NALF1: variants seen among roughly 807,000 people sequenced by gnomAD.
The protein encoded by NALF1 is NALCN channel auxiliary factor 1, also known as family with sequence similarity 155 member A.
In NALF1, 3 loss-of-function variants were observed where a neutral mutation model predicts 48.4. That is an observed-to-expected ratio of 0.06 (90% CI 0.03 to 0.16). The LOEUF is 0.16. Ranked by LOEUF, NALF1 falls within the 10% of genes least tolerant of loss-of-function variation. The pLI is 1.00. For synonymous variants in NALF1, 262 were observed against 245.7 expected (o/e 1.07, Z -0.62); for missense variants, 526 against 571.5 (o/e 0.92, Z 0.81).
At chr13:107,784,450 C>T (rs980855224) in intron 1 of NALF1, among the ~76,000 whole-genome samples, 4 of 152,164 alleles carry the variant, frequency 2.6e-5, no homozygotes, top group Admixed American at 6.5e-5. Context: ...GAAAGCTCCT[C>T]GGATTATCTT....
At chr13:107,389,562 A>C (rs967542843) in intron 1 of NALF1, among the ~76,000 whole-genome samples, 13 of 151,918 alleles carry the variant, frequency 8.6e-5, no homozygotes, top group Admixed American at 2.0e-4. Context: ...TGAGACAATC[A>C]TTTTCTGTTG....
At chr13:107,267,604 A>C (rs994068320) in intron 1 of NALF1, among the ~76,000 whole-genome samples, 1 of 152,232 alleles carries the variant, frequency 6.6e-6, no homozygotes, top group Non-Finnish European at 1.5e-5. Flanking sequence ...TGGATGCCTG[A>C]AACCACAGAT....
intron 1 of NALF1, among the ~76,000 whole-genome samples, chr13:107,496,969 C>A (rs894005355): frequency 6.6e-6 from 1 of 152,266 alleles, no homozygotes; most frequent in African/African-American, 2.4e-5. Context: ...TGGGTGGGGA[C>A]ACAGAGCCAA....
chr13:107,315,644 G>A (rs554177277), intron 1 of NALF1, among the ~76,000 whole-genome samples: 2 of 151,920 alleles, frequency 1.3e-5, no homozygotes, highest in African/African-American at 4.8e-5. Context: ...ACATTGAAAC[G>A]TAATCCTTTC....
intron 1 of NALF1, among the ~76,000 whole-genome samples, chr13:107,626,357 G>C (rs964868948): frequency 6.6e-6 from 1 of 152,134 alleles, no homozygotes; most frequent in Admixed American, 6.6e-5. Context: ...CAGTATGAAA[G>C]TTCCTCAAAA....
At chr13:107,785,524 C>T (rs1009395842) in intron 1 of NALF1, among the ~76,000 whole-genome samples, 2 of 152,112 alleles carry the variant, frequency 1.3e-5, no homozygotes, top group Non-Finnish European at 2.9e-5. Flanking sequence ...AAGAATGATA[C>T]AATGGACTTT....
intron 1 of NALF1, among the ~76,000 whole-genome samples, chr13:107,454,684 G>C (rs1223174542): frequency 1.3e-5 from 2 of 152,098 alleles, no homozygotes; most frequent in African/African-American, 4.8e-5. Context: ...CAAATTGAGA[G>C]GTTTTCACAC....
intron 1 of NALF1, among the ~76,000 whole-genome samples, chr13:107,299,883 C>A (rs1352859810): frequency 6.6e-6 from 1 of 152,110 alleles, no homozygotes; most frequent in Non-Finnish European, 1.5e-5. Flanking sequence ...TGTTTGAACA[C>A]CTCATTTTCT....
intron 1 of NALF1, among the ~76,000 whole-genome samples, chr13:107,510,997 C>T (rs1454511992): frequency 6.6e-6 from 1 of 152,170 alleles, no homozygotes; most frequent in Non-Finnish European, 1.5e-5. Flanking sequence ...CAAAGCAAGG[C>T]TCCACTCTTA....
At chr13:107,198,468 G>A (rs12874556) in intron 2 of NALF1, among the ~76,000 whole-genome samples, 20,577 of 152,234 alleles carry the variant, frequency 0.14, 1,453 homozygotes, top group East Asian at 0.28. Flanking sequence ...CCTGCTGGCT[G>A]AGCTCCCTCG....
chr13:107,488,850 G>A (rs1885371137), intron 1 of NALF1, among the ~76,000 whole-genome samples: 1 of 152,110 alleles, frequency 6.6e-6, no homozygotes, highest in African/African-American at 2.4e-5. Context: ...GTTTGCAGAT[G>A]ACAAAATTCT....
intron 1 of NALF1, among the ~76,000 whole-genome samples, chr13:107,860,013 AAAATTT>A (rs1389781948): frequency 6.6e-6 from 1 of 152,174 alleles, no homozygotes; most frequent in African/African-American, 2.4e-5. Context: ...CTTATTAGAT[AAAATTT>A]AAATTTAACT....
chr13:107,820,473 T>G (rs1041571871), intron 1 of NALF1, among the ~76,000 whole-genome samples: 1 of 152,202 alleles, frequency 6.6e-6, no homozygotes, highest in Non-Finnish European at 1.5e-5. Flanking sequence ...AGACTGAAAT[T>G]GCCCTCAGCC....
At chr13:107,469,733 CTTTTTTTTTTTTT>C (rs61241553) in intron 1 of NALF1, among the ~76,000 whole-genome samples, 2 of 79,956 alleles carry the variant, frequency 2.5e-5, no homozygotes, top group African/African-American at 5.3e-5. Context: ...AACTGTGTAT[CTTTTTTTTTTTTT>C]TTTTTTTTTT....
chr13:107,818,600 C>T (rs955147700), intron 1 of NALF1, among the ~76,000 whole-genome samples: 3 of 147,502 alleles, frequency 2.0e-5, no homozygotes, highest in Non-Finnish European at 4.5e-5. Context: ...AGGCCGGGCG[C>T]GGTGGCTCAC....
intron 1 of NALF1, among the ~76,000 whole-genome samples, chr13:107,441,561 C>CTAAATA (rs1279504308): frequency 6.6e-5 from 10 of 152,042 alleles, no homozygotes; most frequent in Admixed American, 1.3e-4. Flanking sequence ...CATGATACTG[C>CTAAATA]TAAATACAGA....
chr13:107,713,532 G>A (rs1295013861), intron 1 of NALF1, among the ~76,000 whole-genome samples: 1 of 152,080 alleles, frequency 6.6e-6, no homozygotes, highest in Non-Finnish European at 1.5e-5. Flanking sequence ...CCATAGATGA[G>A]GTAACTGAGG....
intron 1 of NALF1, among the ~76,000 whole-genome samples, chr13:107,669,734 G>T (rs1469677018): frequency 6.6e-6 from 1 of 152,076 alleles, no homozygotes; most frequent in Non-Finnish European, 1.5e-5. Context: ...TAAAAAATAA[G>T]CAAGCAGTCC....
intron 1 of NALF1, among the ~76,000 whole-genome samples, chr13:107,541,529 C>A (rs1229355090): frequency 2.0e-5 from 3 of 152,032 alleles, no homozygotes; most frequent in Non-Finnish European, 2.9e-5. Context: ...AGAGAGGGCA[C>A]AAGATTTTCC....
Sources: gnomAD v4.1 joint callset for allele counts (sites outside exome capture counted in the v4.1 genomes callset) on GRCh38, gnomAD v4.1.1 for gene constraint, MANE v1.5 for transcripts, NCBI Gene and HGNC (gene_info 2026-07-23, HGNC 2026-07-21) for gene names.